The following NECTIN2 variants were observed in gnomAD, a reference collection of about 807,000 sequenced individuals.
NECTIN2 encodes nectin cell adhesion molecule 2.
In NECTIN2, 23 loss-of-function variants were observed where a neutral mutation model predicts 56.9. That is an observed-to-expected ratio of 0.40 (90% CI 0.29 to 0.57). The LOEUF is 0.57. Among genes scored for constraint, NECTIN2 ranks in the 20% least tolerant of loss-of-function variants. NECTIN2 has a pLI of 0.38. For missense variants in NECTIN2, 587 were observed against 718.3 expected (o/e 0.82, Z 2.09); for synonymous variants, 302 against 313.8 (o/e 0.96, Z 0.40).
At chr19:44,880,807 C>G (rs1460804044) in intron 5 of NECTIN2, among the ~76,000 whole-genome samples, 2 of 148,622 alleles carry the variant, frequency 1.3e-5, no homozygotes, top group Non-Finnish European at 3.0e-5. Flanking sequence ...CGGAGTTTCA[C>G]TCTTATCCAG....
chr19:44,872,051 T>C lies in NECTIN2; in HGVS notation c.677T>C (p.Val226Ala). 1 of 1,614,182 alleles carries C rather than the reference T, an allele frequency of 6.2e-7. No individual in the cohort carries two copies. The highest frequency in any genetic ancestry group is 8.5e-7 in the Non-Finnish European group (1 of 1,180,034). The change falls in exon 3 of 9, where the codon GTG becomes GCG. Residue 226 changes from valine (V) to alanine (A), a missense_variant. Transcript: ENST00000252483. ...ACTGTCACCAGCCGCTTCACCTTGGTGCCCTCGGGCCGAGCAGATGGTGTC... is the reference window on the plus strand; with the variant it reads ...ACTGTCACCAGCCGCTTCACCTTGGCGCCCTCGGGCCGAGCAGATGGTGTC... Reference protein sequence around the residue: ...TVTVTSRFTLVPSGRADGVTV... With the variant: ...TVTVTSRFTLAPSGRADGVTV...
At chr19:44,876,159 C>T (rs1969234786) in intron 5 of NECTIN2, among the ~76,000 whole-genome samples, 1 of 152,150 alleles carries the variant, frequency 6.6e-6, no homozygotes, top group Non-Finnish European at 1.5e-5. Context: ...ATATGTGTTT[C>T]CTGTTTGCTA....
intron 2 of NECTIN2, among the ~76,000 whole-genome samples, chr19:44,869,045 T>C (rs1055329369): frequency 6.6e-6 from 1 of 152,136 alleles, no homozygotes; most frequent in Admixed American, 6.6e-5. Context: ...CACCCTGTGC[T>C]ATCCTTGAGT....
Position 44,889,161 on chromosome 19 carries a change from G to C in NECTIN2, c.*782G>C, listed in dbSNP as rs1395154072. ...CGGGGAAAGTGGGTCATCTGAATTG[G>C]GGGTAGCAATTGATACTGTTTTGTA... On this transcript the variant is annotated 3_prime_UTR_variant, in exon 9 of 9. Transcript: ENST00000252483. 1 of 152,250 alleles carries C rather than the reference G, an allele frequency of 6.6e-6. No individual in the cohort carries two copies. The highest frequency in any genetic ancestry group is 1.5e-5 in the Non-Finnish European group (1 of 68,042). The allele number at this position is 152,250 out of a possible 1,614,324, so 9.4% of individuals were successfully genotyped here.
Position 44,878,488 on chromosome 19 carries a change from G to C in NECTIN2, c.1043-3723G>C, listed in dbSNP as rs765437671. 22 of 1,613,358 alleles carry C rather than the reference G, an allele frequency of 1.4e-5. No homozygotes were observed. The East Asian group carries it at 4.9e-4, about 36-fold the overall frequency. On this transcript the variant is annotated intron_variant, in intron 5 of 8. Transcript: ENST00000252483. ...CTGGTCCCATGGAACCAGATGGCAA[G>C]GATGAGGAGGAGGAGGAGGAGGAAG... is the stretch of plus-strand genomic sequence containing the variant.
In NECTIN2 at chr19:44,873,912, C is replaced by T. The variant is rs771455264; in HGVS notation, c.776-4C>T. ...TGCTGATCCAGTCCCCCCATTTCCCCCAGACCCTCCTGAAGTGTCCATCTC... is the reference window on the plus strand; with the variant it reads ...TGCTGATCCAGTCCCCCCATTTCCCTCAGACCCTCCTGAAGTGTCCATCTC... On this transcript the variant is annotated splice_region_variant and splice_polypyrimidine_tract_variant and intron_variant, in intron 3 of 8. Transcript: ENST00000252483. The T allele has an allele frequency of 6.2e-7, 1 of 1,608,720 alleles. No homozygotes were observed. Among genetic ancestry groups the T allele is most frequent in the Non-Finnish European group, 8.5e-7 (1 of 1,175,226 alleles).
At chr19:44,867,210 C>T (rs1013970760) in intron 2 of NECTIN2, among the ~76,000 whole-genome samples, 1 of 151,890 alleles carries the variant, frequency 6.6e-6, no homozygotes, top group African/African-American at 2.4e-5. Flanking sequence ...TTAGTAGAGA[C>T]GGGGTTGCAC....
intron 2 of NECTIN2, among the ~76,000 whole-genome samples, chr19:44,870,681 C>A (rs893560591): frequency 6.6e-6 from 1 of 151,884 alleles, no homozygotes; most frequent in East Asian, 1.9e-4. Flanking sequence ...GACCTTTGAA[C>A]CACAGTACTC....
At chr19:44,878,121 G>C in intron 5 of NECTIN2, 6 of 378,600 alleles carry the variant, frequency 1.6e-5, no homozygotes, top group African/African-American at 2.3e-5. Context: ...CTCCATCCCC[G>C]CCTATCCTGC....
intron 1 of NECTIN2, among the ~76,000 whole-genome samples, chr19:44,862,231 G>A (rs1033133130): frequency 2.0e-5 from 3 of 151,926 alleles, no homozygotes; most frequent in Non-Finnish European, 4.4e-5. Context: ...TGGGTAACAC[G>A]GTGAAACCCC....
In NECTIN2 at chr19:44,888,164, C is replaced by T. The variant is rs541171835; in HGVS notation, c.1402C>T (p.His468Tyr). 7 of 1,614,184 alleles carry T rather than the reference C, an allele frequency of 4.3e-6. No individual in the cohort carries two copies. In the African/African-American group the frequency reaches 6.7e-5, roughly 15 times the overall value. Residue 468 changes from histidine (H) to tyrosine (Y), a missense_variant, in exon 9 of 9, where the codon CAC (histidine) becomes TAC (tyrosine). Coordinates refer to ENST00000252483, the MANE Select transcript of NECTIN2 (RefSeq NM_001042724.2). ...PTLEERSGPL[H>Y]PGATSLGSPI... is the part of the protein sequence containing the mutation. ...CTTGGAAGAACGGTCAGGACCCTTG[C>T]ACCCTGGAGCCACAAGCCTGGGGTC...
chr19:44,870,716 CT>C (rs1198787870), intron 2 of NECTIN2, among the ~76,000 whole-genome samples: 101 of 141,142 alleles, frequency 7.2e-4, no homozygotes, highest in Middle Eastern at 3.7e-3. Context: ...CCTTGATTTG[CT>C]TTTTTTTTTT....
intron 1 of NECTIN2, among the ~76,000 whole-genome samples, chr19:44,863,463 T>G (rs1250801883): frequency 1.3e-5 from 2 of 152,182 alleles, no homozygotes; most frequent in Non-Finnish European, 2.9e-5. Context: ...TTGGGTACGC[T>G]GTTTGCTATT....
Position 44,865,514 on chromosome 19 carries a change from G to GCACT in NECTIN2, c.333_336dup (p.Gly113HisfsTer56). On this transcript the variant is annotated frameshift_variant, in exon 2 of 9. Coordinates refer to ENST00000252483, the MANE Select transcript of NECTIN2 (RefSeq NM_001042724.2). LOFTEE classifies it high-confidence loss of function. The surrounding 1 kb of genome is among the most constrained non-coding windows in gnomAD (Gnocchi z 5.2). ...CTGTCCTTCGTCTCTGCCAAGCAGA[G>GCACT]CACTGGGCAAGACACAGAGGCAGAG... The GCACT allele has an allele frequency of 6.3e-7, 1 of 1,597,184 alleles. No individual in the cohort carries two copies. The highest frequency in any genetic ancestry group is 8.5e-7 in the Non-Finnish European group (1 of 1,172,520).
intron 2 of NECTIN2, among the ~76,000 whole-genome samples, chr19:44,870,333 T>C (rs1252262372): frequency 6.6e-6 from 1 of 151,810 alleles, no homozygotes; most frequent in Non-Finnish European, 1.5e-5. Flanking sequence ...GGGAGGCTTG[T>C]TGGATGCTCC....
intron 1 of NECTIN2, among the ~76,000 whole-genome samples, chr19:44,849,214 G>C (rs1382365334): frequency 2.6e-5 from 4 of 152,086 alleles, no homozygotes; most frequent in Non-Finnish European, 5.9e-5. Context: ...CACAGGGTCG[G>C]GGGAGTGAAA....
At chr19:44,872,869 C>T (rs1035402890) in intron 3 of NECTIN2, among the ~76,000 whole-genome samples, 11 of 142,142 alleles carry the variant, frequency 7.7e-5, no homozygotes, top group Non-Finnish European at 1.6e-4. Context: ...TATATATTAA[C>T]ATATATTTTG....
intron 5 of NECTIN2, among the ~76,000 whole-genome samples, chr19:44,876,931 C>G (rs1043250047): frequency 2.0e-5 from 3 of 151,982 alleles, no homozygotes; most frequent in African/African-American, 7.3e-5. Flanking sequence ...GCTTCGAGTT[C>G]CAAAACACCA....
At chr19:44,860,802 GCTGGT>G (rs1381635410) in intron 1 of NECTIN2, among the ~76,000 whole-genome samples, 2 of 151,770 alleles carry the variant, frequency 1.3e-5, no homozygotes, top group African/African-American at 4.8e-5. Flanking sequence ...TGTTGGCCAG[GCTGGT>G]CTCAAACTCC....
Sources: gnomAD v4.1 joint callset for allele counts (sites outside exome capture counted in the v4.1 genomes callset) on GRCh38, gnomAD v4.1.1 for gene constraint, Gnocchi (gnomAD v3.1) non-coding constraint, MANE v1.5 for transcripts, NCBI Gene and HGNC (gene_info 2026-07-23, HGNC 2026-07-21) for gene names.